The following UST variants were observed in gnomAD, a reference collection of about 807,000 sequenced individuals.
UST encodes the protein chondroitin sulfate 2-O-sulfotransferase.
In UST, 21 loss-of-function variants were observed where a neutral mutation model predicts 45.6. The ratio of observed to expected loss-of-function variants is 0.46; its 90% CI spans 0.33 to 0.66. UST has a LOEUF of 0.66. Ranked by LOEUF, UST falls within the 30% of genes least tolerant of loss-of-function variation. The pLI is 0.02. For missense variants in UST, 463 were observed against 512.4 expected (o/e 0.90, Z 0.93); for synonymous variants, 215 against 200.6 (o/e 1.07, Z -0.61).
chr6:148,783,495 C>A (rs1776681463), intron 1 of UST, among the ~76,000 whole-genome samples: 1 of 152,166 alleles, frequency 6.6e-6, no homozygotes, highest in Non-Finnish European at 1.5e-5. Flanking sequence ...CCCATGTACA[C>A]CTTTCCCCTG....
At chr6:148,925,950 T>G (rs1303993655) in intron 2 of UST, among the ~76,000 whole-genome samples, 1 of 152,242 alleles carries the variant, frequency 6.6e-6, no homozygotes, top group East Asian at 1.9e-4. Context: ...ACCTAGCAGA[T>G]TACAAAAACT....
At chr6:148,853,146 C>T (rs1582852696) in intron 1 of UST, among the ~76,000 whole-genome samples, 1 of 152,140 alleles carries the variant, frequency 6.6e-6, no homozygotes, top group Admixed American at 6.5e-5. Flanking sequence ...GTGTATTCCC[C>T]TCCCTGTGTC....
At chr6:149,016,698 C>T (rs1775902910) in intron 5 of UST, among the ~76,000 whole-genome samples, 1 of 152,204 alleles carries the variant, frequency 6.6e-6, no homozygotes, top group Admixed American at 6.5e-5. Flanking sequence ...TGCCCTGCTC[C>T]TCCTGTTAAT....
rs12200342 is a variant in UST, at chr6:148,748,282, G to C, written c.247+605G>C. On this transcript the variant is annotated intron_variant, in intron 1 of 7. Coordinates refer to ENST00000367463, the MANE Select transcript of UST (RefSeq NM_005715.3). The surrounding 1 kb of genome is among the most constrained non-coding windows in gnomAD (Gnocchi z 5.3). ...CCGCAGCTAGCCTGGCGCGGGGAAC[G>C]GGTTGCATCCAGGGGTTTGGGGATG... 0.18 allele frequency among the ~76,000 whole-genome samples: 27,295 copies of C among 152,138 alleles called. 3,105 individuals are homozygous for C. The highest frequency in any genetic ancestry group is 0.3 in the Middle Eastern group (88 of 294).
At chr6:148,941,133 G>A in intron 2 of UST, 146 bp from the exon 3 acceptor site, 1 of 884,186 alleles carries the variant, frequency 1.1e-6, no homozygotes, top group East Asian at 2.6e-5. Context: ...CTGATGAACT[G>A]ATATACATCC....
chr6:148,994,531 T>C (rs1373082716), intron 5 of UST, among the ~76,000 whole-genome samples: 2 of 152,186 alleles, frequency 1.3e-5, no homozygotes, highest in Non-Finnish European at 2.9e-5. Context: ...TGAGTTCTTA[T>C]TCTCTGATTC....
At chr6:149,071,732 G>A (rs1776821192) in intron 7 of UST, among the ~76,000 whole-genome samples, 1 of 152,102 alleles carries the variant, frequency 6.6e-6, no homozygotes, top group South Asian at 2.1e-4. Context: ...CCTGATATAT[G>A]TGCAGATTAT....
chr6:148,841,502 A>G (rs530802639), intron 1 of UST, among the ~76,000 whole-genome samples: 3 of 151,492 alleles, frequency 2.0e-5, no homozygotes, highest in African/African-American at 4.8e-5. Context: ...CTATTTGATA[A>G]TTACTATTTA....
intron 1 of UST, among the ~76,000 whole-genome samples, chr6:148,776,567 A>G (rs918922808): frequency 1.3e-5 from 2 of 152,202 alleles, no homozygotes; most frequent in African/African-American, 4.8e-5. Flanking sequence ...AAAAGAGGTA[A>G]AGAGAGATAA....
At chr6:148,828,568 C>T (rs1166756319) in intron 1 of UST, among the ~76,000 whole-genome samples, 1 of 152,168 alleles carries the variant, frequency 6.6e-6, no homozygotes, top group African/African-American at 2.4e-5. Context: ...TCTTGGCTCT[C>T]ACTTTCTAGA....
At chr6:149,012,406 T>G (rs1398373467) in intron 5 of UST, among the ~76,000 whole-genome samples, 2 of 152,214 alleles carry the variant, frequency 1.3e-5, no homozygotes, top group Non-Finnish European at 2.9e-5. Context: ...CCCATTAAAC[T>G]TGTACTCTGA....
At chr6:148,972,918 T>A (rs900311) in intron 5 of UST, among the ~76,000 whole-genome samples, 1 of 151,866 alleles carries the variant, frequency 6.6e-6, no homozygotes, top group African/African-American at 2.4e-5. Flanking sequence ...GTGAGGCCAA[T>A]GTGTAGCTGA....
intron 1 of UST, among the ~76,000 whole-genome samples, chr6:148,807,220 C>T (rs11155597): frequency 0.21 from 32,274 of 152,034 alleles, 4,010 homozygotes; most frequent in African/African-American, 0.35. Context: ...GAAGCATTAG[C>T]CCCTTTACTG....
At chr6:148,827,866 C>T (rs1403790937) in intron 1 of UST, among the ~76,000 whole-genome samples, 34 of 152,096 alleles carry the variant, frequency 2.2e-4, no homozygotes, top group Non-Finnish European at 1.2e-4. Flanking sequence ...AATTTTTACC[C>T]TCAAGCATGT....
intron 2 of UST, among the ~76,000 whole-genome samples, chr6:148,890,781 C>G (rs1260282124): frequency 6.6e-6 from 1 of 152,180 alleles, no homozygotes; most frequent in Non-Finnish European, 1.5e-5. Flanking sequence ...CCGCTATTTA[C>G]AGGTCGATGT....
chr6:148,968,378 T>G (rs1780847793), intron 5 of UST, among the ~76,000 whole-genome samples: 1 of 152,266 alleles, frequency 6.6e-6, no homozygotes, highest in Non-Finnish European at 1.5e-5. Context: ...AGTGCTCGCA[T>G]AGATGCAAGT....
At chr6:148,804,567 C>A (rs1245530920) in intron 1 of UST, among the ~76,000 whole-genome samples, 4 of 152,140 alleles carry the variant, frequency 2.6e-5, no homozygotes, top group South Asian at 2.1e-4. Context: ...ACATTTCCTC[C>A]CTAAACAGGC....
chr6:148,999,510 C>T (rs552704563), intron 5 of UST, among the ~76,000 whole-genome samples: 36 of 152,306 alleles, frequency 2.4e-4, no homozygotes, highest in South Asian at 1.9e-3. Context: ...ACATGCAACA[C>T]TAATAATAGA....
At chr6:148,843,098 T>C (rs1482601182) in intron 1 of UST, among the ~76,000 whole-genome samples, 1 of 152,242 alleles carries the variant, frequency 6.6e-6, no homozygotes, top group Non-Finnish European at 1.5e-5. Context: ...AAGTGTCTTA[T>C]TTGGGTAAAA....
Sources: gnomAD v4.1 joint callset for allele counts (sites outside exome capture counted in the v4.1 genomes callset) on GRCh38, gnomAD v4.1.1 for gene constraint, Gnocchi (gnomAD v3.1) non-coding constraint, MANE v1.5 for transcripts, NCBI Gene and HGNC (gene_info 2026-07-23, HGNC 2026-07-21) for gene names.